Variants in ZC3HC1 observed in about 807,000 individuals in gnomAD.
The protein encoded by ZC3HC1 is zinc finger C3HC-type containing 1, also known as zinc finger C3HC-type protein 1.
A neutral mutation model predicts 61.9 loss-of-function variants in ZC3HC1; 38 were observed. The ratio of observed to expected loss-of-function variants is 0.61; its 90% confidence interval spans 0.47 to 0.81. The LOEUF is 0.81. ZC3HC1 is among the 30% of genes least tolerant of loss of function. The pLI is 0.00. For synonymous variants in ZC3HC1, 213 were observed against 229.9 expected (o/e 0.93, Z 0.67); for missense variants, 554 against 622.7 (o/e 0.89, Z 1.17).
At chr7:130,020,528 C>T (rs1793593675) in intron 9 of ZC3HC1, among the ~76,000 whole-genome samples, 2 of 152,020 alleles carry the variant, frequency 1.3e-5, no homozygotes, top group South Asian at 2.1e-4. Flanking sequence ...TCCCAAAGTG[C>T]TGGGATCACA....
At chr7:130,043,624 AT>A (rs1467576597) in intron 2 of ZC3HC1, 1 of 216,406 alleles carries the variant, frequency 4.6e-6, no homozygotes, top group African/African-American at 2.3e-5. Flanking sequence ...GATGGTTAAA[AT>A]ACCTTCCCTT....
chr7:130,020,274 C>CTT (rs531130416), intron 9 of ZC3HC1, among the ~76,000 whole-genome samples: 5 of 134,674 alleles, frequency 3.7e-5, no homozygotes, highest in South Asian at 4.8e-4. Flanking sequence ...ACACTTTTTT[C>CTT]TTTTTTTTTT....
chr7:130,024,257 GA>G lies in ZC3HC1; in HGVS notation c.1020+5del, dbSNP rs1563074565. ...AAATTCCACCCCAAATAAGCTAAGT[GA>G]ATACCTGCTCTGAGCCTGGGGAGAA... is the stretch of plus-strand genomic sequence containing the variant. On this transcript the variant is annotated splice_donor_5th_base_variant and intron_variant, in intron 7 of 9. Coordinates refer to ENST00000358303, the MANE Select transcript of ZC3HC1 (RefSeq NM_016478.5). The G allele has an allele frequency of 2.5e-6, 4 of 1,590,936 alleles. No individual in the cohort carries two copies. The East Asian group carries it at 9.0e-5, about 36-fold the overall frequency.
In ZC3HC1 at chr7:130,024,433, A is replaced by G; in HGVS notation, c.850T>C (p.Phe284Leu). The G allele has an allele frequency of 1.2e-6, 2 of 1,614,194 alleles. No homozygotes were observed. The highest frequency in any genetic ancestry group is 1.7e-6 in the Non-Finnish European group (2 of 1,180,032). The change falls in exon 7 of 10, where the codon TTC (phenylalanine) becomes CTC (leucine). Residue 284 changes from phenylalanine (F) to leucine (L), a missense_variant. Phe to Leu is a conservative substitution (Grantham distance 22). Transcript: ENST00000358303. ...QCMRKVGLWGFQQIESSMTDL... is the reference protein window; with the variant it reads ...QCMRKVGLWGLQQIESSMTDL... ...GTCATGGACGATTCAATCTGCTGGA[A>G]GCCCCAGAGCCCCACCTTCCTCATA...
chr7:130,024,514 G>A lies in ZC3HC1; in HGVS notation c.777-8C>T, dbSNP rs1277979051. The A allele has an allele frequency of 1.9e-6, 3 of 1,590,306 alleles. No individual in the cohort carries two copies. The highest frequency in any genetic ancestry group is 1.1e-5 in the South Asian group (1 of 88,630). Reference sequence around the variant, plus strand: ...ATGGATTCCAAAGAGGAACTAGATAGGAATGAAAAAGAGAGTTTTCTCAAA... The same window carrying A: ...ATGGATTCCAAAGAGGAACTAGATAAGAATGAAAAAGAGAGTTTTCTCAAA... On this transcript the variant is annotated splice_region_variant and splice_polypyrimidine_tract_variant and intron_variant, in intron 6 of 9. Coordinates refer to ENST00000358303, the MANE Select transcript of ZC3HC1 (RefSeq NM_016478.5).
At chr7:130,040,139 GAT>G (rs1393877872) in intron 3 of ZC3HC1, among the ~76,000 whole-genome samples, 9 of 127,584 alleles carry the variant, frequency 7.1e-5, no homozygotes, top group Admixed American at 2.0e-4. Context: ...CTGTTACCTA[GAT>G]TACATTAAGT....
intron 2 of ZC3HC1, among the ~76,000 whole-genome samples, chr7:130,046,606 CAA>C (rs796432440): frequency 8.1e-5 from 8 of 98,464 alleles, no homozygotes; most frequent in Admixed American, 2.2e-4. Context: ...GACTCCATCT[CAA>C]AAAAAAAAAA....
At position 130,024,452 on chromosome 7, in the gene ZC3HC1, C is replaced by T. The variant is rs779826718; in HGVS notation, c.831G>A (p.Arg277=). ...GCTGGAAGCCCCAGAGCCCCACCTT[C>T]CTCATACATTGCGAACATGTTATCA... ...LSLITCSQCM[R]KVGLWGFQQI... The change falls in exon 7 of 10, where the codon AGG becomes AGA. Residue 277 remains arginine (R), a synonymous_variant. Coordinates refer to ENST00000358303, the MANE Select transcript of ZC3HC1 (RefSeq NM_016478.5). The T allele has an allele frequency of 2.5e-6, 4 of 1,614,118 alleles. No homozygotes were observed. The South Asian group carries it at 3.3e-5, about 13-fold the overall frequency.
At chr7:130,018,891 G>A (rs1037769568) in intron 9 of ZC3HC1, among the ~76,000 whole-genome samples, 159 bp from the exon 10 acceptor site, 7 of 152,044 alleles carry the variant, frequency 4.6e-5, no homozygotes, top group African/African-American at 1.7e-4. Context: ...ACTAAAGATC[G>A]AGGGGCCAAC....
At position 130,023,799 on chromosome 7, in the gene ZC3HC1, CT is replaced by C. The variant is rs952997212; in HGVS notation, c.1021-77del. The C allele has an allele frequency of 4.3e-5, 54 of 1,246,250 alleles. No individual in the cohort carries two copies. Among genetic ancestry groups the C allele is most frequent in the Non-Finnish European group, 6.0e-5 (54 of 905,194 alleles). The allele number at this position is 1,246,250 out of a possible 1,614,324, so 77.2% of individuals were successfully genotyped here. A position where few individuals can be genotyped will look rare whatever the true frequency, so the allele number is the denominator to read the frequency against. On this transcript the variant is annotated intron_variant, in intron 7 of 9. Transcript: ENST00000358303. The surrounding 1 kb of genome is among the most constrained non-coding windows in gnomAD (Gnocchi z 4.2). ...GGTCAGAAATACTTCTTTCTTTAAT[CT>C]TTTTTCTTTTTTTTTTTGAGACAGA...
At chr7:130,021,972 C>A (rs529630531) in intron 9 of ZC3HC1, among the ~76,000 whole-genome samples, 22 of 152,094 alleles carry the variant, frequency 1.4e-4, no homozygotes, top group African/African-American at 4.6e-4. Context: ...GTCAGGAGTT[C>A]GAGACCAGCC....
At chr7:130,048,143 G>GTTTTTTTTTTTTTTTTTTTTTTTTTT (rs11364921) in intron 2 of ZC3HC1, among the ~76,000 whole-genome samples, 2 of 73,736 alleles carry the variant, frequency 2.7e-5, no homozygotes, top group Non-Finnish European at 4.8e-5. Flanking sequence ...TTTCCTAGTT[G>GTTTTTTTTTTTTTTTTTTTTTTTTTT]TTTTTTTTTT....
chr7:130,030,217 G>A (rs1327123756), intron 4 of ZC3HC1, among the ~76,000 whole-genome samples: 53 of 116,676 alleles, frequency 4.5e-4, no homozygotes, highest in African/African-American at 1.3e-3. Flanking sequence ...TTTTTTTTCC[G>A]AGACAGAGTT....
chr7:130,050,671 T>C (rs542145265), intron 1 of ZC3HC1, among the ~76,000 whole-genome samples: 1 of 152,348 alleles, frequency 6.6e-6, no homozygotes, highest in Admixed American at 6.5e-5. Context: ...ATTATGGTGG[T>C]TGCATGTCTT....
intron 9 of ZC3HC1, among the ~76,000 whole-genome samples, chr7:130,020,107 G>A (rs930776974): frequency 6.6e-5 from 10 of 151,816 alleles, no homozygotes; most frequent in East Asian, 1.9e-4. Context: ...GAGCCACTGC[G>A]CCCGGCCCAC....
intron 5 of ZC3HC1, 141 bp downstream of exon 5, chr7:130,028,761 G>A: frequency 8.8e-7 from 1 of 1,131,176 alleles, no homozygotes; most frequent in Non-Finnish European, 1.2e-6. Context: ...CCTTCCTGGT[G>A]GAGACTGAAA....
At chr7:130,046,934 G>A (rs752460000) in intron 2 of ZC3HC1, among the ~76,000 whole-genome samples, 28 of 145,758 alleles carry the variant, frequency 1.9e-4, no homozygotes, top group South Asian at 4.4e-4. Context: ...GATTACAGGC[G>A]CATGCCACCA....
At chr7:130,050,403 G>T in intron 1 of ZC3HC1, 1 of 1,532,522 alleles carries the variant, frequency 6.5e-7, no homozygotes, top group Non-Finnish European at 8.7e-7. Flanking sequence ...ATAAAAATAG[G>T]ATTACATCAA....
chr7:130,041,700 T>C (rs1794681442), intron 2 of ZC3HC1, among the ~76,000 whole-genome samples: 1 of 151,844 alleles, frequency 6.6e-6, no homozygotes, highest in Admixed American at 6.6e-5. Flanking sequence ...AGCTAATTTT[T>C]GTATTTTTAA....
Sources: gnomAD v4.1 joint callset for allele counts (sites outside exome capture counted in the v4.1 genomes callset) on GRCh38, gnomAD v4.1.1 for gene constraint, Gnocchi (gnomAD v3.1) non-coding constraint, MANE v1.5 for transcripts, NCBI Gene and HGNC (gene_info 2026-07-23, HGNC 2026-07-21) for gene names.